Variants in DPP10 observed in about 807,000 individuals in gnomAD.
DPP10 encodes inactive dipeptidyl peptidase 10.
Under a neutral mutation model 120.9 loss-of-function variants are expected in DPP10, and 33 were observed. That is an observed-to-expected ratio of 0.27 (90% CI 0.21 to 0.37). The LOEUF is 0.37. Among genes scored for constraint, DPP10 ranks in the 10% least tolerant of loss-of-function variants. The pLI is 1.00. For missense variants in DPP10, 816 were observed against 942.8 expected (o/e 0.87, Z 1.76); for synonymous variants, 337 against 326.1 (o/e 1.03, Z -0.36).
At chr2:115,012,719 GAA>G (rs1702354122) in intron 1 of DPP10, among the ~76,000 whole-genome samples, 1 of 152,166 alleles carries the variant, frequency 6.6e-6, no homozygotes, top group Admixed American at 6.5e-5. Flanking sequence ...CTGACATAGA[GAA>G]GGAACCAGAA....
intron 1 of DPP10, among the ~76,000 whole-genome samples, chr2:114,792,230 G>A (rs1471236679): frequency 6.6e-6 from 1 of 152,146 alleles, no homozygotes; most frequent in Non-Finnish European, 1.5e-5. Flanking sequence ...AACGCATGGA[G>A]CACCATTTGA....
chr2:115,447,746 G>T (rs1040201588), intron 3 of DPP10, among the ~76,000 whole-genome samples: 3 of 152,162 alleles, frequency 2.0e-5, no homozygotes, highest in Admixed American at 6.5e-5. Flanking sequence ...GATCTCCTCA[G>T]CCATGCAGAA....
intron 3 of DPP10, among the ~76,000 whole-genome samples, chr2:115,487,178 G>A (rs1316584239): frequency 6.8e-6 from 1 of 148,134 alleles, no homozygotes; most frequent in Non-Finnish European, 1.5e-5. Context: ...CAAGGGATGT[G>A]AAGGACCTCT....
chr2:115,726,683 C>A (rs1033115985), intron 7 of DPP10, among the ~76,000 whole-genome samples: 5 of 152,100 alleles, frequency 3.3e-5, no homozygotes, highest in Admixed American at 1.3e-4. Context: ...ATACACCCAC[C>A]TGTAAATGCT....
intron 1 of DPP10, among the ~76,000 whole-genome samples, chr2:114,632,726 A>G (rs1254090178): frequency 6.6e-6 from 1 of 151,870 alleles, no homozygotes; most frequent in African/African-American, 2.4e-5. Flanking sequence ...GTTAGCCAGG[A>G]TGGTCTCGAT....
intron 3 of DPP10, among the ~76,000 whole-genome samples, chr2:115,369,756 A>G (rs538192291): frequency 9.9e-5 from 15 of 152,118 alleles, no homozygotes; most frequent in Non-Finnish European, 1.6e-4. Context: ...TGAGGCAACA[A>G]TAGTCTTCAC....
intron 1 of DPP10, among the ~76,000 whole-genome samples, chr2:114,744,598 G>A (rs1678388383): frequency 6.6e-6 from 1 of 152,212 alleles, no homozygotes; most frequent in East Asian, 1.9e-4. Context: ...AGGCAGTTAT[G>A]CGGAGAATGC....
At chr2:115,814,628 G>A (rs1178378626) in intron 19 of DPP10, 165 bp from the exon 20 acceptor site, 6 of 468,460 alleles carry the variant, frequency 1.3e-5, no homozygotes, top group South Asian at 2.1e-4. Flanking sequence ...ACAATTTTAC[G>A]AAGGAAAATT....
intron 1 of DPP10, among the ~76,000 whole-genome samples, chr2:115,099,130 CAAA>C (rs55815168): frequency 2.7e-5 from 2 of 74,798 alleles, no homozygotes; most frequent in Non-Finnish European, 2.9e-5. Context: ...GCTAAAAATA[CAAA>C]AAAAAAAAAA....
intron 7 of DPP10, among the ~76,000 whole-genome samples, chr2:115,697,275 AG>A (rs1352582103): frequency 2.6e-5 from 4 of 152,018 alleles, no homozygotes; most frequent in African/African-American, 9.7e-5. Flanking sequence ...TTCAATTAAA[AG>A]AAACTAAGAA....
intron 1 of DPP10, among the ~76,000 whole-genome samples, chr2:114,821,277 G>C (rs1686065018): frequency 1.3e-5 from 2 of 152,174 alleles, no homozygotes; most frequent in Admixed American, 6.5e-5. Context: ...GGGGATATGT[G>C]GGGGTGGCTA....
At chr2:115,434,243 A>G (rs1418150721) in intron 3 of DPP10, among the ~76,000 whole-genome samples, 1 of 152,048 alleles carries the variant, frequency 6.6e-6, no homozygotes, top group Non-Finnish European at 1.5e-5. Context: ...TTGTTAATTT[A>G]TAATTGAGAA....
chr2:115,244,560 A>G (rs1051422582), intron 1 of DPP10, among the ~76,000 whole-genome samples: 2 of 151,888 alleles, frequency 1.3e-5, no homozygotes, highest in African/African-American at 4.8e-5. Context: ...AGTTGTGAAC[A>G]CTTCATAAAA....
intron 1 of DPP10, among the ~76,000 whole-genome samples, chr2:115,234,975 C>T (rs1409728732): frequency 1.3e-5 from 2 of 152,120 alleles, no homozygotes; most frequent in African/African-American, 2.4e-5. Context: ...TTTATGATCT[C>T]TCTGGGATAA....
intron 1 of DPP10, among the ~76,000 whole-genome samples, chr2:114,870,279 C>G (rs1690580000): frequency 6.6e-6 from 1 of 152,026 alleles, no homozygotes; most frequent in Admixed American, 6.6e-5. Flanking sequence ...ATAATAATGA[C>G]CCTTTCATAA....
At chr2:114,828,589 C>T (rs1686774406) in intron 1 of DPP10, 1 of 152,176 alleles carries the variant, frequency 6.6e-6, no homozygotes, top group African/African-American at 2.4e-5. Context: ...ATGAACAAGG[C>T]ACTCAAGGAA....
At chr2:114,468,582 G>A (rs17048402) in intron 1 of DPP10, among the ~76,000 whole-genome samples, 1 of 152,126 alleles carries the variant, frequency 6.6e-6, no homozygotes. Context: ...ATCCACAAAA[G>A]ACCATTTAGC....
At chr2:115,023,389 A>G (rs1703217147) in intron 1 of DPP10, among the ~76,000 whole-genome samples, 1 of 152,242 alleles carries the variant, frequency 6.6e-6, no homozygotes, top group African/African-American at 2.4e-5. Context: ...GCATATGGAA[A>G]AATGCTCAAT....
chr2:114,953,116 A>T (rs905873792), intron 1 of DPP10, among the ~76,000 whole-genome samples: 1 of 152,062 alleles, frequency 6.6e-6, no homozygotes, highest in African/African-American at 2.4e-5. Flanking sequence ...TAAATAATAT[A>T]TGCTTTAAAA....
Sources: gnomAD v4.1 joint callset for allele counts (sites outside exome capture counted in the v4.1 genomes callset) on GRCh38, gnomAD v4.1.1 for gene constraint, MANE v1.5 for transcripts, NCBI Gene and HGNC (gene_info 2026-07-23, HGNC 2026-07-21) for gene names.